Variants in PRSS54 observed in about 807,000 individuals in gnomAD.
PRSS54 encodes the protein inactive serine protease 54.
PRSS54 carries 16 observed loss-of-function variants against 19.9 expected under a neutral mutation model. The observed-to-expected ratio is 0.80, with a 90% confidence interval of 0.54 to 1.22. PRSS54 has a LOEUF of 1.22. PRSS54 is among the 50% of genes most tolerant of loss of function. The pLI, the probability that PRSS54 is intolerant of heterozygous loss-of-function variation, is 0.00. For missense variants in PRSS54, 444 were observed against 494.8 expected (o/e 0.90, Z 0.97); for synonymous variants, 177 against 195.8 (o/e 0.90, Z 0.80).
rs148548689 is a variant in PRSS54 at position 58,293,753 on chromosome 16, C to T, written c.64G>A (p.Gly22Ser). The T allele has an allele frequency of 4.3e-6, 7 of 1,613,214 alleles. No individual in the cohort carries two copies. The East Asian group carries it at 1.1e-4, about 26-fold the overall frequency. Residue 22 changes from glycine to serine, a missense_variant, in exon 3 of 7, where the codon GGC becomes AGC. Transcript: ENST00000567164. ...TCACTGGTGGAAGAATAGAGAAGGC[C>T]GAGCAGCACCAGGAGCACCCCTCGC... ...KMRGVLLVLL[G>S]LLYSSTSCGV...
In PRSS54 at chr16:58,280,134, C is replaced by G. The variant is rs1031473510; in HGVS notation, c.*90G>C. ...TATCCGTGGCAGCCCCAGTGTGCAA[C>G]TATCAAAAACAGACATCAAAACAGC... On this transcript the variant is annotated 3_prime_UTR_variant, in exon 7 of 7. Transcript: ENST00000567164. 3.7e-6 allele frequency: 5 copies of G among 1,349,766 alleles called. No homozygotes were observed. The highest frequency in any genetic ancestry group is 1.5e-5 in the African/African-American group (1 of 68,194). 83.6% of individuals were successfully genotyped at this position (1,349,766 alleles called of 1,614,324 possible). A position where few individuals can be genotyped will look rare whatever the true frequency, so the allele number is the denominator to read the frequency against.
chr16:58,288,635 C>T (rs1343564212), intron 4 of PRSS54, among the ~76,000 whole-genome samples: 2 of 149,308 alleles, frequency 1.3e-5, no homozygotes, highest in Middle Eastern at 3.2e-3. Context: ...AGTCTTTCTA[C>T]TCCTGGGATA....
At chr16:58,281,234 TG>T (rs1371275740) in intron 6 of PRSS54, 1 of 161,082 alleles carries the variant, frequency 6.2e-6, no homozygotes. Context: ...AGCAGTCCTC[TG>T]GGACTTGGGA....
Position 58,293,824 on chromosome 16 carries a change from T to G in PRSS54, c.-6-2A>C, listed in dbSNP as rs750988393. 5 of 1,610,564 alleles carry G rather than the reference T, an allele frequency of 3.1e-6. No homozygotes were observed. Among genetic ancestry groups the G allele is most frequent in the Non-Finnish European group, 4.2e-6 (5 of 1,178,640 alleles). On this transcript the variant is annotated splice_acceptor_variant, in intron 2 of 6. Coordinates refer to ENST00000567164, the MANE Select transcript of PRSS54 (RefSeq NM_001305173.2). LOFTEE classifies it low-confidence loss of function (5UTR_SPLICE). Reference sequence around the variant, plus strand: ...ACCCGCCGCGGACACCATGGGCAGCTGGGGAAACAAAACCCAATGACTCCA... The same window carrying G: ...ACCCGCCGCGGACACCATGGGCAGCGGGGGAAACAAAACCCAATGACTCCA...
chr16:58,292,701 T>A (rs1366641205), intron 3 of PRSS54, among the ~76,000 whole-genome samples: 1 of 152,210 alleles, frequency 6.6e-6, no homozygotes, highest in Non-Finnish European at 1.5e-5. Flanking sequence ...TTATCTTTGG[T>A]CTGAGTTCTT....
chr16:58,291,273 C>G, intron 3 of PRSS54, 137 bp from the exon 4 acceptor site: 1 of 766,098 alleles, frequency 1.3e-6, no homozygotes, highest in Non-Finnish European at 2.0e-6. Context: ...GTCTTCTTCA[C>G]CCTAAAAGAT....
chr16:58,287,259 C>T (rs1964938805), intron 4 of PRSS54, among the ~76,000 whole-genome samples: 1 of 150,600 alleles, frequency 6.6e-6, no homozygotes, highest in Non-Finnish European at 1.5e-5. Context: ...AGACATAGTT[C>T]TGGTCAGGTC....
chr16:58,286,893 G>A (rs566852771), intron 4 of PRSS54, among the ~76,000 whole-genome samples: 19 of 152,208 alleles, frequency 1.2e-4, no homozygotes, highest in African/African-American at 4.3e-4. Context: ...GCAAAGAAGC[G>A]AAAAGGAAAG....
intron 5 of PRSS54, 90 bp downstream of exon 5, chr16:58,285,847 T>C: frequency 6.8e-7 from 1 of 1,470,280 alleles, no homozygotes. Context: ...ACTCCATTAT[T>C]AAATTAAGAT....
In PRSS54 at chr16:58,291,087, C is replaced by T. The variant is rs1207399185; in HGVS notation, c.135G>A (p.Glu45=). 4 of 1,614,196 alleles carry T rather than the reference C, an allele frequency of 2.5e-6. No individual in the cohort carries two copies. Among genetic ancestry groups the T allele is most frequent in the Non-Finnish European group, 3.4e-6 (4 of 1,180,042 alleles). The part of the protein sequence containing the change: ...ASVFYGPDPK[E]GLVSSMEFPW... The stretch of plus-strand genomic sequence containing the variant: ...GGAACTCCATGCTGCTGACCAAGCC[C>T]TCCTTGGGGTCAGGACCGTAGAAAA... The change falls in exon 4 of 7, where the codon GAG becomes GAA. Residue 45 remains glutamate, a synonymous_variant. Transcript: ENST00000567164.
At chr16:58,284,486 G>T in intron 6 of PRSS54, 104 bp downstream of exon 6, 1 of 1,351,460 alleles carries the variant, frequency 7.4e-7, no homozygotes, top group Non-Finnish European at 1.0e-6. Flanking sequence ...CCCAAGCCCT[G>T]CCCTCACAGA....
chr16:58,284,792 C>T, intron 5 of PRSS54, 71 bp from the exon 6 acceptor site: 1 of 1,556,008 alleles, frequency 6.4e-7, no homozygotes, highest in African/African-American at 1.4e-5. Flanking sequence ...ACAACTCCCA[C>T]TCATATAGCC....
In PRSS54 at chr16:58,280,165, G is replaced by T. The variant is rs1351155202; in HGVS notation, c.*59C>A. 2 of 1,513,986 alleles carry T rather than the reference G, an allele frequency of 1.3e-6. No individual in the cohort carries two copies. Among genetic ancestry groups the T allele is most frequent in the African/African-American group, 2.8e-5 (2 of 72,150 alleles). 93.8% of individuals were successfully genotyped at this position (1,513,986 alleles called of 1,614,324 possible). A position where few individuals can be genotyped will look rare whatever the true frequency, so the allele number is the denominator to read the frequency against. On this transcript the variant is annotated 3_prime_UTR_variant, in exon 7 of 7. Coordinates refer to ENST00000567164, the MANE Select transcript of PRSS54 (RefSeq NM_001305173.2). ...AAAACAGACATCAAAACAGCATGGTGAATGCCTGGCACTCAGCATTCTCAG... is the reference window on the plus strand; with the variant it reads ...AAAACAGACATCAAAACAGCATGGTTAATGCCTGGCACTCAGCATTCTCAG...
chr16:58,282,009 AT>A (rs36044125), intron 6 of PRSS54: 11,183 of 131,058 alleles, frequency 0.085, 544 homozygotes, highest in Middle Eastern at 0.13. Context: ...TGCCCAGCTA[AT>A]TTTTTTTTTT....
chr16:58,287,474 G>T (rs917000165), intron 4 of PRSS54, among the ~76,000 whole-genome samples: 4 of 152,198 alleles, frequency 2.6e-5, no homozygotes, highest in Non-Finnish European at 2.9e-5. Context: ...TGATCAGACA[G>T]AGCTGTGTAG....
intron 4 of PRSS54, among the ~76,000 whole-genome samples, chr16:58,286,932 A>G (rs1000451091): frequency 3.9e-5 from 6 of 152,212 alleles, no homozygotes; most frequent in African/African-American, 1.4e-4. Context: ...AATGAAGGCC[A>G]AATCAAAAGC....
intron 4 of PRSS54, among the ~76,000 whole-genome samples, chr16:58,288,846 G>T (rs1418129141): frequency 6.6e-6 from 1 of 152,044 alleles, no homozygotes; most frequent in African/African-American, 2.4e-5. Flanking sequence ...AATAAGAAAA[G>T]GTCTCCAAAA....
intron 6 of PRSS54, chr16:58,281,394 A>G (rs756886180): frequency 6.5e-6 from 1 of 153,420 alleles, no homozygotes; most frequent in Non-Finnish European, 1.5e-5. Flanking sequence ...TGAGCACAGC[A>G]CAGTGCCTGG....
intron 6 of PRSS54, chr16:58,281,009 A>AT (rs1964717229): frequency 4.3e-6 from 2 of 465,170 alleles, no homozygotes; most frequent in East Asian, 6.9e-5. Context: ...TTCATATTTC[A>AT]TTTTCTTGCC....
Sources: allele counts gnomAD v4.1 joint callset (sites outside exome capture counted in the v4.1 genomes callset), GRCh38; gene constraint gnomAD v4.1.1; transcripts MANE v1.5; gene names NCBI Gene and HGNC (gene_info 2026-07-23, HGNC 2026-07-21).